The following MDFIC2 variants were observed in gnomAD, a reference collection of about 807,000 sequenced individuals.
MDFIC2 encodes the protein MyoD family inhibitor domain containing 2, also known as myoD family inhibitor domain-containing protein 2.
rs140331650 is a variant in MDFIC2, at chr3:70,252,507, G to T, written c.89-45717C>A. Among the ~76,000 whole-genome samples the T allele has an allele frequency of 1.6e-4, 25 of 152,248 alleles. No homozygotes were observed. The East Asian group carries it at 4.8e-3, about 29-fold the overall frequency. ...TCAGAGAGAATAATAAGTTACAAAC[G>T]TGATTCAAGGTTACAATTGCAAAAG... On this transcript the variant is annotated intron_variant, in intron 2 of 3. Transcript: ENST00000567252.
Position 70,198,061 on chromosome 3 carries a change from T to C in MDFIC2, c.311-876A>G, listed in dbSNP as rs1271484592. On this transcript the variant is annotated intron_variant, in intron 3 of 3. Transcript: ENST00000567252. ...AGTTCTCTTGTTAAAATTTTAACTT[T>C]TCTTTCTTTTAAGTTAAAAAAGTCT... 2.6e-5 allele frequency among the ~76,000 whole-genome samples: 4 copies of C among 152,280 alleles called. No individual in the cohort carries two copies. In the East Asian group the frequency reaches 5.8e-4, roughly 22 times the overall value.
chr3:70,225,521 A>G (rs1056120955), intron 2 of MDFIC2, among the ~76,000 whole-genome samples: 2 of 152,226 alleles, frequency 1.3e-5, no homozygotes, highest in Admixed American at 6.5e-5. Flanking sequence ...TTCTAGTTTA[A>G]GAAAGCAACG....
At chr3:70,242,093 G>A (rs1387991801) in intron 2 of MDFIC2, among the ~76,000 whole-genome samples, 1 of 152,190 alleles carries the variant, frequency 6.6e-6, no homozygotes, top group Non-Finnish European at 1.5e-5. Flanking sequence ...CCAATGATGT[G>A]TACTGCTATT....
chr3:70,200,461 G>A (rs1295282540), intron 3 of MDFIC2, among the ~76,000 whole-genome samples: 1 of 152,138 alleles, frequency 6.6e-6, no homozygotes, highest in Non-Finnish European at 1.5e-5. Context: ...ACATGGCTCA[G>A]GGCCTTTGCA....
intron 2 of MDFIC2, among the ~76,000 whole-genome samples, chr3:70,219,611 A>G (rs1177705421): frequency 6.6e-6 from 1 of 152,184 alleles, no homozygotes; most frequent in Non-Finnish European, 1.5e-5. Context: ...AACCAACAGA[A>G]TGGATCCAAA....
intron 2 of MDFIC2, among the ~76,000 whole-genome samples, chr3:70,281,072 A>C (rs1702078227): frequency 6.6e-6 from 1 of 152,120 alleles, no homozygotes; most frequent in South Asian, 2.1e-4. Context: ...CATGTTAATA[A>C]ATTTTGTATG....
intron 2 of MDFIC2, among the ~76,000 whole-genome samples, chr3:70,218,764 A>T (rs757706703): frequency 6.6e-6 from 1 of 152,104 alleles, no homozygotes; most frequent in Non-Finnish European, 1.5e-5. Flanking sequence ...TAGAAAAAAA[A>T]ATTCTTCAGC....
intron 2 of MDFIC2, among the ~76,000 whole-genome samples, chr3:70,265,241 T>C (rs754901520): frequency 9.9e-5 from 15 of 152,090 alleles, no homozygotes; most frequent in Non-Finnish European, 1.9e-4. Flanking sequence ...ATAAATCATA[T>C]TTAAGTTGAG....
chr3:70,284,009 T>C (rs1274156283), intron 2 of MDFIC2, among the ~76,000 whole-genome samples: 5 of 152,140 alleles, frequency 3.3e-5, no homozygotes. Context: ...GGGGTTTCCA[T>C]GCCTTTGGGT....
chr3:70,235,873 A>G (rs1332444923), intron 2 of MDFIC2, among the ~76,000 whole-genome samples: 2 of 152,204 alleles, frequency 1.3e-5, no homozygotes, highest in Non-Finnish European at 2.9e-5. Flanking sequence ...AAGACAATAC[A>G]TGTTCATTAA....
At chr3:70,249,652 A>G (rs1169931563) in intron 2 of MDFIC2, 1 of 152,082 alleles carries the variant, frequency 6.6e-6, no homozygotes, top group Non-Finnish European at 1.5e-5. Context: ...AGAGCTGCCA[A>G]TTCCACAGTA....
In MDFIC2 at chr3:70,288,255, T is replaced by G. The variant is rs868263906; in HGVS notation, c.88+23631A>C. 3.7e-4 allele frequency among the ~76,000 whole-genome samples: 48 copies of G among 129,496 alleles called. 1 individual carries two copies. In the South Asian group the frequency reaches 0.015, roughly 40 times the overall value. The allele number at this position is 129,496 out of a possible 152,430, so 85.0% of individuals were successfully genotyped here. ...ATGCATCCCAGAGATTCTGGTATGT[T>G]GTGTCTTTGTTCTCGTTGGTTTCAA... On this transcript the variant is annotated intron_variant, in intron 2 of 3. Coordinates refer to ENST00000567252, the MANE Select transcript of MDFIC2 (RefSeq NM_001364677.1).
chr3:70,290,745 C>T (rs756830887), intron 2 of MDFIC2, among the ~76,000 whole-genome samples: 1 of 152,194 alleles, frequency 6.6e-6, no homozygotes, highest in Admixed American at 6.5e-5. Flanking sequence ...GAGCCAGGTG[C>T]AGGTTATAAT....
At chr3:70,247,692 GT>G (rs1701720997) in intron 2 of MDFIC2, among the ~76,000 whole-genome samples, 1 of 151,734 alleles carries the variant, frequency 6.6e-6, no homozygotes, top group Non-Finnish European at 1.5e-5. Context: ...CATTGGTTTT[GT>G]TTCTACTGTA....
intron 2 of MDFIC2, 51 bp from the exon 3 acceptor site, chr3:70,206,841 A>G (rs139201384): frequency 2.5e-6 from 1 of 396,670 alleles, no homozygotes; most frequent in African/African-American, 2.1e-5. Flanking sequence ...GGTTTACGTG[A>G]CCTAGTGACC....
intron 2 of MDFIC2, among the ~76,000 whole-genome samples, chr3:70,211,661 CCCTTTCCCTTCCCTTT>C (rs1701351160): frequency 8.7e-6 from 1 of 114,630 alleles, no homozygotes; most frequent in Admixed American, 8.9e-5. Context: ...CCCTTCCCTT[CCCTTTCCCTTCCCTTT>C]CCTTCCTTTC....
chr3:70,287,779 A>C (rs887370619), intron 2 of MDFIC2, among the ~76,000 whole-genome samples: 1 of 151,100 alleles, frequency 6.6e-6, no homozygotes, highest in Non-Finnish European at 1.5e-5. Flanking sequence ...TTCCTGGTTT[A>C]GTCTTGGGAG....
intron 2 of MDFIC2, among the ~76,000 whole-genome samples, chr3:70,243,001 C>T (rs1479712456): frequency 1.3e-5 from 2 of 152,146 alleles, no homozygotes; most frequent in African/African-American, 4.8e-5. Flanking sequence ...AAGAGCAGAA[C>T]GATATAACCG....
intron 2 of MDFIC2, among the ~76,000 whole-genome samples, chr3:70,268,520 T>A (rs1701945435): frequency 1.3e-5 from 2 of 151,732 alleles, no homozygotes; most frequent in Admixed American, 6.6e-5. Context: ...GGTGCATTTG[T>A]TACAATTGAT....
Sources: gnomAD v4.1 joint callset for allele counts (sites outside exome capture counted in the v4.1 genomes callset) on GRCh38, gnomAD v4.1.1 for gene constraint, MANE v1.5 for transcripts, NCBI Gene and HGNC (gene_info 2026-07-23, HGNC 2026-07-21) for gene names.